The following LIPI variants were observed in gnomAD, a reference collection of about 807,000 sequenced individuals.
The protein encoded by LIPI is lipase I.
Under a neutral mutation model 50.6 loss-of-function variants are expected in LIPI, and 59 were observed. The ratio of observed to expected loss-of-function variants is 1.16; its 90% CI spans 0.94 to 1.45. LIPI has a LOEUF of 1.45. Ranked by LOEUF, LIPI falls within the 40% of genes most tolerant of loss-of-function variation. LIPI has a pLI of 0.00. For missense variants in LIPI, 586 were observed against 536.3 expected, an observed-to-expected ratio of 1.09 and a Z score of -0.92; for synonymous variants, 203 against 178.2, an observed-to-expected ratio of 1.14 and a Z score of -1.11.
Position 14,184,406 on chromosome 21 carries a change from A to G in LIPI, c.541+1555T>C, listed in dbSNP as rs1276504760. On this transcript the variant is annotated intron_variant, in intron 3 of 9. Coordinates refer to ENST00000681601, the MANE Select transcript of LIPI (RefSeq NM_001302998.2). ...ATGAGTTAATGGGTGCAGCACACCA[A>G]CATGGCACATGTATACATATGTAAC... 5.3e-5 allele frequency among the ~76,000 whole-genome samples: 8 copies of G among 152,220 alleles called. No homozygotes were observed. The South Asian group carries it at 1.2e-3, about 24-fold the overall frequency.
chr21:14,121,957 A>G (rs961581774), intron 9 of LIPI, among the ~76,000 whole-genome samples: 5 of 152,236 alleles, frequency 3.3e-5, no homozygotes, highest in African/African-American at 7.2e-5. Context: ...TAGTCTACGC[A>G]TGGCTGAAGC....
chr21:14,162,444 T>C (rs1373881974), intron 7 of LIPI, among the ~76,000 whole-genome samples: 2 of 151,738 alleles, frequency 1.3e-5, no homozygotes, highest in South Asian at 2.1e-4. Context: ...AATACACATA[T>C]AGCCACACAC....
chr21:14,132,673 T>C (rs1364029919), intron 9 of LIPI, among the ~76,000 whole-genome samples: 1 of 151,974 alleles, frequency 6.6e-6, no homozygotes, highest in African/African-American at 2.4e-5. Context: ...AGGAAGAAGA[T>C]ACAGGAATAA....
intron 1 of LIPI, among the ~76,000 whole-genome samples, chr21:14,195,990 G>A (rs1329910350): frequency 1.3e-5 from 2 of 152,108 alleles, no homozygotes; most frequent in East Asian, 3.9e-4. Flanking sequence ...CATTGCTGGG[G>A]GAAATGACAA....
In LIPI at chr21:14,152,664, T is replaced by C. The variant is rs1162932993; in HGVS notation, c.1027A>G (p.Ile343Val). The change falls in exon 8 of 10, where the codon ATA becomes GTA. Residue 343 changes from isoleucine to valine, a missense_variant. Ile to Val is a conservative substitution (Grantham distance 29). Transcript: ENST00000681601. Reference protein sequence around the residue: ...PFCTYYFVLSIIVPDKTMMDG... With the variant: ...PFCTYYFVLSVIVPDKTMMDG... Reference sequence around the variant, plus strand: ...ATCATAGTTTTATCTGGAACAATTATACTGAGAACAAAATAATAGGCTACA... The same window carrying C: ...ATCATAGTTTTATCTGGAACAATTACACTGAGAACAAAATAATAGGCTACA... The C allele has an allele frequency of 1.3e-6, 2 of 1,490,124 alleles. No individual in the cohort carries two copies. The highest frequency in any genetic ancestry group is 1.1e-5 in the South Asian group (1 of 87,020). The allele number at this position is 1,490,124 out of a possible 1,614,324, so 92.3% of individuals were successfully genotyped here.
chr21:14,208,644 A>G (rs942796793), intron 1 of LIPI, among the ~76,000 whole-genome samples: 6 of 152,244 alleles, frequency 3.9e-5, no homozygotes, highest in African/African-American at 1.4e-4. Flanking sequence ...ATGCACATTT[A>G]CTTGTTTATG....
intron 1 of LIPI, among the ~76,000 whole-genome samples, chr21:14,197,971 T>C (rs917138943): frequency 6.6e-6 from 1 of 152,124 alleles, no homozygotes; most frequent in Non-Finnish European, 1.5e-5. Context: ...ATGTTCAAGA[T>C]TCTTAAAGAA....
At position 14,108,838 on chromosome 21, in the gene LIPI, T is replaced by G; in HGVS notation, c.*155A>C. Reference sequence around the variant, plus strand: ...TTTGGAATGTTTAACTGTATGCATTTTTTATTTTCTTTATTTTTGATTCTT... The same window carrying G: ...TTTGGAATGTTTAACTGTATGCATTGTTTATTTTCTTTATTTTTGATTCTT... On this transcript the variant is annotated 3_prime_UTR_variant, in exon 10 of 10. Coordinates refer to ENST00000681601, the MANE Select transcript of LIPI (RefSeq NM_001302998.2). 1.2e-6 allele frequency: 1 copy of G among 862,884 alleles called. No individual in the cohort carries two copies. The highest frequency in any genetic ancestry group is 1.8e-6 in the Non-Finnish European group (1 of 561,774). 53.5% of individuals were successfully genotyped at this position (862,884 alleles called of 1,614,324 possible).
chr21:14,205,564 A>AC lies in LIPI; in HGVS notation c.46+5235_46+5236insG, dbSNP rs1481054825. Reference sequence around the variant, plus strand: ...TGCACATACCTCCCCCCACACACACATCTTTATTGGGTAAGATATTAACCA... The same window carrying AC: ...TGCACATACCTCCCCCCACACACACACTCTTTATTGGGTAAGATATTAACCA... On this transcript the variant is annotated intron_variant, in intron 1 of 9. Transcript: ENST00000681601. Among the ~76,000 whole-genome samples the AC allele has an allele frequency of 1.1e-3, 160 of 151,760 alleles. 1 individual carries two copies. Among genetic ancestry groups the AC allele is most frequent in the African/African-American group, 3.8e-3 (156 of 41,368 alleles).
At chr21:14,203,756 A>C (rs1242839884) in intron 1 of LIPI, among the ~76,000 whole-genome samples, 1 of 151,880 alleles carries the variant, frequency 6.6e-6, no homozygotes, top group African/African-American at 2.4e-5. Context: ...ATGTAACATT[A>C]ATGTTAATGG....
Position 14,196,377 on chromosome 21 carries a change from C to T in LIPI, c.47-6958G>A, listed in dbSNP as rs536693584. Reference sequence around the variant, plus strand: ...TCTATAAAAGAAATATTTAATCTAGCGTCATAAAGAAGGTCTGGGTTATAT... The same window carrying T: ...TCTATAAAAGAAATATTTAATCTAGTGTCATAAAGAAGGTCTGGGTTATAT... On this transcript the variant is annotated intron_variant, in intron 1 of 9. Transcript: ENST00000681601. Among the ~76,000 whole-genome samples the T allele has an allele frequency of 7.2e-5, 11 of 152,064 alleles. No homozygotes were observed. In the East Asian group the frequency reaches 7.7e-4, roughly 11 times the overall value.
At chr21:14,109,785 CAGGT>C (rs941081713) in intron 9 of LIPI, among the ~76,000 whole-genome samples, 4 of 151,870 alleles carry the variant, frequency 2.6e-5, no homozygotes, top group African/African-American at 9.7e-5. Context: ...ACAGCTTAGG[CAGGT>C]TCACAATGCC....
intron 9 of LIPI, among the ~76,000 whole-genome samples, chr21:14,140,775 A>G (rs1013096935): frequency 6.6e-6 from 1 of 152,086 alleles, no homozygotes; most frequent in African/African-American, 2.4e-5. Flanking sequence ...ATTCTTCCTC[A>G]AGCATCAAAT....
intron 6 of LIPI, among the ~76,000 whole-genome samples, chr21:14,163,897 C>T (rs2018582496): frequency 6.6e-6 from 1 of 151,548 alleles, no homozygotes; most frequent in East Asian, 1.9e-4. Flanking sequence ...TACAATATAG[C>T]TCCATGAGTA....
At chr21:14,210,154 G>A (rs2123368299) in intron 1 of LIPI, among the ~76,000 whole-genome samples, 1 of 152,050 alleles carries the variant, frequency 6.6e-6, no homozygotes, top group South Asian at 2.1e-4. Flanking sequence ...ATTTGCCACT[G>A]TTATTACCAT....
In LIPI at chr21:14,175,175, G is replaced by T. The variant is rs1206416516; in HGVS notation, c.643+6583C>A. 3.3e-5 allele frequency among the ~76,000 whole-genome samples: 5 copies of T among 150,534 alleles called. No homozygotes were observed. In the South Asian group the frequency reaches 1.1e-3, roughly 32 times the overall value. ...CACATATATTAATGCATATGTGAAG[G>T]TACATCTGTTGGTTACATACCTAGG... is the stretch of plus-strand genomic sequence containing the variant. On this transcript the variant is annotated intron_variant, in intron 4 of 9. Transcript: ENST00000681601.
chr21:14,125,955 G>T (rs932107608), intron 9 of LIPI, among the ~76,000 whole-genome samples: 2 of 151,996 alleles, frequency 1.3e-5, no homozygotes, highest in Non-Finnish European at 2.9e-5. Flanking sequence ...TTTTTCATTT[G>T]AGACATGGAA....
intron 9 of LIPI, among the ~76,000 whole-genome samples, chr21:14,142,132 T>G (rs1480437842): frequency 6.6e-6 from 1 of 152,062 alleles, no homozygotes; most frequent in Non-Finnish European, 1.5e-5. Context: ...TTATGTTTAG[T>G]GGAGGCTTTG....
chr21:14,142,785 A>G (rs1257100861), intron 9 of LIPI, among the ~76,000 whole-genome samples: 3 of 151,792 alleles, frequency 2.0e-5, no homozygotes, highest in East Asian at 1.9e-4. Flanking sequence ...CTCTTGGCCA[A>G]TTTGTATACT....
Sources: gnomAD v4.1 joint callset for allele counts (sites outside exome capture counted in the v4.1 genomes callset) on GRCh38, gnomAD v4.1.1 for gene constraint, MANE v1.5 for transcripts, NCBI Gene and HGNC (gene_info 2026-07-23, HGNC 2026-07-21) for gene names.